PLEKHA1: variants seen among roughly 807,000 people sequenced by gnomAD.
PLEKHA1 encodes pleckstrin homology domain containing A1.
PLEKHA1 carries 34 observed loss-of-function variants against 52.0 expected under a neutral mutation model. The ratio of observed to expected loss-of-function variants is 0.65; its 90% CI spans 0.50 to 0.87. The LOEUF is 0.87. PLEKHA1 is among the 40% of genes least tolerant of loss of function. The pLI is 0.00. For synonymous variants in PLEKHA1, 163 were observed against 170.7 expected, an observed-to-expected ratio of 0.95 and a Z score of 0.35; for missense variants, 497 against 504.2, an observed-to-expected ratio of 0.99 and a Z score of 0.14.
intron 6 of PLEKHA1, among the ~76,000 whole-genome samples, chr10:122,414,896 T>TG (rs573928221): frequency 1.3e-5 from 2 of 151,968 alleles, no homozygotes; most frequent in Non-Finnish European, 2.9e-5. Context: ...TGTTTTGTTT[T>TG]TTTTTTAATA....
chr10:122,382,121 T>G (rs2096623342), intron 1 of PLEKHA1, among the ~76,000 whole-genome samples: 2 of 152,244 alleles, frequency 1.3e-5, no homozygotes, highest in South Asian at 4.1e-4. Flanking sequence ...TTTCTTTTTT[T>G]AGAAAAAGCT....
In PLEKHA1 at chr10:122,393,799, C is replaced by A. The variant is rs2096808060; in HGVS notation, c.141+458C>A. Among the ~76,000 whole-genome samples the A allele has an allele frequency of 6.6e-6, 1 of 152,122 alleles. No individual in the cohort carries two copies. The highest frequency in any genetic ancestry group is 2.4e-5 in the African/African-American group (1 of 41,442). On this transcript the variant is annotated intron_variant, in intron 2 of 11. Coordinates refer to ENST00000368990, the MANE Select transcript of PLEKHA1 (RefSeq NM_001001974.4). This position sits in a 1 kb window ranked among gnomAD's most constrained non-coding sequence, Gnocchi z 4.5. ...TGAGATTAAATTTAGGTTTAAGATG[C>A]TGCATCTAGGATAGAGACTATTATT...
chr10:122,398,593 TTGTGTGTG>T (rs10653605), intron 3 of PLEKHA1, among the ~76,000 whole-genome samples: 9 of 147,608 alleles, frequency 6.1e-5, no homozygotes, highest in South Asian at 2.2e-4. Context: ...CCCTATGGGT[TTGTGTGTG>T]TGTGTGTGTG....
intron 5 of PLEKHA1, among the ~76,000 whole-genome samples, chr10:122,410,040 C>T (rs1565244880): frequency 6.6e-6 from 1 of 152,202 alleles, no homozygotes; most frequent in Non-Finnish European, 1.5e-5. Context: ...AGCTTGGCCT[C>T]CCAAAGTGCT....
At chr10:122,394,242 T>C (rs1360781287) in intron 2 of PLEKHA1, among the ~76,000 whole-genome samples, 3 of 151,800 alleles carry the variant, frequency 2.0e-5, no homozygotes, top group Non-Finnish European at 2.9e-5. Flanking sequence ...ACCTGGCTAA[T>C]TTTTTGTATT....
intron 4 of PLEKHA1, among the ~76,000 whole-genome samples, chr10:122,402,342 G>GCACTGACTTCTAAAATAGAAC (rs1398306071): frequency 6.6e-6 from 1 of 152,184 alleles, no homozygotes; most frequent in East Asian, 1.9e-4. Context: ...AGAGAGAGAA[G>GCACTGACTTCTAAAATAGAAC]CACTGACTTC....
intron 4 of PLEKHA1, among the ~76,000 whole-genome samples, chr10:122,404,710 C>T (rs1373052324): frequency 2.0e-5 from 3 of 152,172 alleles, no homozygotes; most frequent in African/African-American, 7.2e-5. Context: ...TGTACAAGAA[C>T]AGATTTCCAG....
chr10:122,374,915 C>A, intron 1 of PLEKHA1, 109 bp downstream of exon 1: 1 of 153,930 alleles, frequency 6.5e-6, no homozygotes, highest in South Asian at 1.8e-4. Context: ...AGCGCGGTTC[C>A]CGCTGTGGCG....
At chr10:122,382,500 C>A (rs1013706094) in intron 1 of PLEKHA1, among the ~76,000 whole-genome samples, 1 of 152,230 alleles carries the variant, frequency 6.6e-6, no homozygotes, top group Non-Finnish European at 1.5e-5. Flanking sequence ...TTCCTGTTTG[C>A]AATTAGTAAC....
At position 122,397,774 on chromosome 10, in the gene PLEKHA1, A is replaced by T. The variant is rs1035635378; in HGVS notation, c.142-144A>T. 1.4e-5 allele frequency: 9 copies of T among 620,918 alleles called. No individual in the cohort carries two copies. In the African/African-American group the frequency reaches 1.5e-4, roughly 10 times the overall value. 38.5% of individuals were successfully genotyped at this position (620,918 alleles called of 1,614,324 possible). A position where few individuals can be genotyped will look rare whatever the true frequency, so the allele number is the denominator to read the frequency against. ...GGACTTGATTTCAGACCTAGTAAAA[A>T]TTTGAACAGAAGAAAAGTTCATTTG... On this transcript the variant is annotated intron_variant, in intron 2 of 11. Coordinates refer to ENST00000368990, the MANE Select transcript of PLEKHA1 (RefSeq NM_001001974.4).
intron 4 of PLEKHA1, among the ~76,000 whole-genome samples, chr10:122,406,139 G>A (rs2097010475): frequency 6.6e-6 from 1 of 152,134 alleles, no homozygotes; most frequent in Non-Finnish European, 1.5e-5. Context: ...GAATGTGAAT[G>A]GATTCAACTT....
chr10:122,393,428 T>A lies in PLEKHA1; in HGVS notation c.141+87T>A. The A allele has an allele frequency of 1.6e-6, 2 of 1,285,688 alleles. No homozygotes were observed. Among genetic ancestry groups the A allele is most frequent in the Non-Finnish European group, 2.1e-6 (2 of 971,330 alleles). 79.6% of individuals were successfully genotyped at this position (1,285,688 alleles called of 1,614,324 possible). A position where few individuals can be genotyped will look rare whatever the true frequency, so the allele number is the denominator to read the frequency against. On this transcript the variant is annotated intron_variant, in intron 2 of 11. Coordinates refer to ENST00000368990, the MANE Select transcript of PLEKHA1 (RefSeq NM_001001974.4). The surrounding 1 kb of genome is among the most constrained non-coding windows in gnomAD (Gnocchi z 4.5). ...ATACTATACAGGCTTTAGATTTGTC[T>A]TCTTAAGCAGTATATTTTTAGATTT...
At chr10:122,407,049 T>C (rs1441772534) in intron 5 of PLEKHA1, among the ~76,000 whole-genome samples, 2 of 152,194 alleles carry the variant, frequency 1.3e-5, no homozygotes, top group African/African-American at 4.8e-5. Flanking sequence ...ACTTCTCTCT[T>C]CTAAGCCATG....
At chr10:122,381,790 G>A (rs559334838) in intron 1 of PLEKHA1, among the ~76,000 whole-genome samples, 1 of 152,336 alleles carries the variant, frequency 6.6e-6, no homozygotes, top group South Asian at 2.1e-4. Flanking sequence ...CTGAGCTAGG[G>A]AAGGCTGGAT....
At position 122,430,351 on chromosome 10, in the gene PLEKHA1, T is replaced by G. The variant is rs41302729; in HGVS notation, c.*413T>G. ...TAAAGGTTCAATATTTACACATTCT[T>G]ATTGGTTGATATTACCACATGAAAT... On this transcript the variant is annotated 3_prime_UTR_variant, in exon 12 of 12. Transcript: ENST00000368990. The G allele has an allele frequency of 0.035, 5,491 of 156,860 alleles. 115 individuals are homozygous for G. The highest frequency in any genetic ancestry group is 0.063 in the Middle Eastern group (19 of 302). 9.7% of individuals were successfully genotyped at this position (156,860 alleles called of 1,614,324 possible). A position where few individuals can be genotyped will look rare whatever the true frequency, so the allele number is the denominator to read the frequency against.
chr10:122,397,962 C>T lies in PLEKHA1; in HGVS notation c.186C>T (p.Thr62=), dbSNP rs1189268526. The T allele has an allele frequency of 1.9e-6, 3 of 1,608,852 alleles. No homozygotes were observed. Among genetic ancestry groups the T allele is most frequent in the Non-Finnish European group, 2.6e-6 (3 of 1,176,156 alleles). Residue 62 remains threonine (T), a synonymous_variant, in exon 3 of 12, where the codon ACC becomes ACT. Transcript: ENST00000368990. ...GSSRVGAIKL[T]YISKVSDATK... ...CACGTGTTGGAGCCATTAAGCTTAC[C>T]TACATTTCAAAGGTAGTCTTTATAC...
chr10:122,418,264 C>T (rs1305563290), intron 8 of PLEKHA1: 1 of 249,626 alleles, frequency 4.0e-6, no homozygotes, highest in African/African-American at 2.2e-5. Context: ...GGGTTAGCCC[C>T]ACGTGGAGTA....
chr10:122,397,083 A>G (rs1462120182), intron 2 of PLEKHA1, among the ~76,000 whole-genome samples: 3 of 152,106 alleles, frequency 2.0e-5, no homozygotes, highest in Non-Finnish European at 4.4e-5. Flanking sequence ...CTTACAGGAC[A>G]CTGCATTACA....
At chr10:122,414,806 A>G (rs1008557295) in intron 6 of PLEKHA1, among the ~76,000 whole-genome samples, 3 of 152,146 alleles carry the variant, frequency 2.0e-5, no homozygotes, top group African/African-American at 7.2e-5. Flanking sequence ...AATGCTGCCA[A>G]GGTTGAGGAG....
Sources: gnomAD v4.1 joint callset for allele counts (sites outside exome capture counted in the v4.1 genomes callset) on GRCh38, gnomAD v4.1.1 for gene constraint, Gnocchi (gnomAD v3.1) non-coding constraint, MANE v1.5 for transcripts, NCBI Gene and HGNC (gene_info 2026-07-23, HGNC 2026-07-21) for gene names.